Variants in EGFR observed in about 807,000 individuals in gnomAD.
EGFR encodes the protein avian erythroblastic leukemia viral (v-erb-b) oncogene homolog.
A neutral mutation model predicts 143.0 loss-of-function variants in EGFR; 58 were observed. The observed-to-expected ratio is 0.41, with a 90% CI of 0.33 to 0.50. The LOEUF (loss-of-function observed/expected upper bound fraction) is 0.50. Ranked by LOEUF, EGFR falls within the 20% of genes least tolerant of loss-of-function variation. The pLI is 0.39. For missense variants in EGFR, 1,307 were observed against 1,579.0 expected (o/e 0.83, Z 2.92); for synonymous variants, 613 against 594.4 (o/e 1.03, Z -0.45).
Position 55,174,085 on chromosome 7 carries a change from C to G in EGFR, c.2184+42C>G, listed in dbSNP as rs1241707769. On this transcript the variant is annotated intron_variant, in intron 18 of 27. Transcript: ENST00000275493. ...AGGCCTCTGGGCTGGGCCGCAGGGC[C>G]TCTCATGGTCTGGTGGGGAGCCCAG... 72 of 1,613,416 alleles carry G rather than the reference C, an allele frequency of 4.5e-5. No individual in the cohort carries two copies. The Admixed American group carries it at 7.2e-4, about 16-fold the overall frequency.
At chr7:55,200,290 ACT>A in intron 23 of EGFR, 24 bp from the exon 24 acceptor site, 1 of 1,601,558 alleles carries the variant, frequency 6.2e-7, no homozygotes, top group Non-Finnish European at 8.6e-7. Flanking sequence ...TTCTAATTGC[ACT>A]GTTTTTTCTC....
chr7:55,081,000 A>T (rs1354145355), intron 1 of EGFR, among the ~76,000 whole-genome samples: 1 of 152,142 alleles, frequency 6.6e-6, no homozygotes, highest in Non-Finnish European at 1.5e-5. Context: ...CCACTATACT[A>T]CTTAGAAATG....
At chr7:55,038,711 G>C (rs1320662856) in intron 1 of EGFR, among the ~76,000 whole-genome samples, 1 of 151,946 alleles carries the variant, frequency 6.6e-6, no homozygotes, top group Non-Finnish European at 1.5e-5. Context: ...CCATTTTATA[G>C]TAATAAATCA....
At chr7:55,194,320 G>A (rs1435267532) in intron 22 of EGFR, among the ~76,000 whole-genome samples, 8 of 150,366 alleles carry the variant, frequency 5.3e-5, no homozygotes, top group Non-Finnish European at 4.4e-5. Flanking sequence ...TCCACCTCCC[G>A]GGTTCAAGTG....
At chr7:55,096,845 C>T (rs1791502229) in intron 1 of EGFR, among the ~76,000 whole-genome samples, 2 of 152,266 alleles carry the variant, frequency 1.3e-5, no homozygotes, top group South Asian at 2.1e-4. Flanking sequence ...CACAGGGTCC[C>T]TCCTGGAGTC....
intron 1 of EGFR, chr7:55,110,006 C>G: frequency 3.2e-6 from 3 of 936,160 alleles, no homozygotes; most frequent in Non-Finnish European, 3.8e-6. Flanking sequence ...TGAGAGATAA[C>G]AGCATAAACA....
In EGFR at chr7:55,045,908, A is replaced by G. The variant is rs558403258; in HGVS notation, c.88+26543A>G. ...GTTGTGAGTCTCAAATACACACTGG[A>G]TTGTGAAGACTTAGGACAAGGAAAA... On this transcript the variant is annotated intron_variant, in intron 1 of 27. Coordinates refer to ENST00000275493, the MANE Select transcript of EGFR (RefSeq NM_005228.5). Among the ~76,000 whole-genome samples, 27 of 152,324 alleles carry G rather than the reference A, an allele frequency of 1.8e-4. 1 individual carries two copies. In the South Asian group the frequency reaches 5.0e-3, roughly 28 times the overall value.
intron 1 of EGFR, among the ~76,000 whole-genome samples, chr7:55,052,201 TTCTGGGAGAC>T (rs1788530821): frequency 6.6e-6 from 1 of 152,354 alleles, no homozygotes; most frequent in South Asian, 2.1e-4. Flanking sequence ...CTCCTGGGTA[TTCTGGGAGAC>T]TCATGTAAAA....
chr7:55,197,245 C>T (rs1407388846), intron 22 of EGFR, among the ~76,000 whole-genome samples: 7 of 152,046 alleles, frequency 4.6e-5, no homozygotes, highest in African/African-American at 1.4e-4. Context: ...TACTGTATTT[C>T]TAGGTATTTT....
rs186093310 is a variant in EGFR, at chr7:55,185,804, A to C, written c.2469+4326A>C. 2.0e-5 allele frequency among the ~76,000 whole-genome samples: 3 copies of C among 152,372 alleles called. No individual in the cohort carries two copies. In the East Asian group the frequency reaches 5.8e-4, roughly 29 times the overall value. ...CATGGCACTCTCTGACCACAACTGT[A>C]TAAGCACCAAACTACACTTAGTTCC... On this transcript the variant is annotated intron_variant, in intron 20 of 27. Transcript: ENST00000275493.
At chr7:55,191,677 C>G (rs2128964251) in intron 20 of EGFR, 42 bp from the exon 21 acceptor site, 1 of 1,612,136 alleles carries the variant, frequency 6.2e-7, no homozygotes. Context: ...AGCTTCTTCC[C>G]ATGATGATCT....
intron 1 of EGFR, among the ~76,000 whole-genome samples, chr7:55,071,547 G>A (rs1159427125): frequency 6.6e-6 from 1 of 152,216 alleles, no homozygotes; most frequent in Non-Finnish European, 1.5e-5. Flanking sequence ...GCCTTCACTG[G>A]CAGAATTGTG....
At position 55,061,649 on chromosome 7, in the gene EGFR, TGAGA is replaced by T. The variant is rs1174312198; in HGVS notation, c.88+42305_88+42308del. Among the ~76,000 whole-genome samples the T allele has an allele frequency of 4.4e-3, 583 of 132,776 alleles. 4 individuals are homozygous for T. Among genetic ancestry groups the T allele is most frequent in the African/African-American group, 0.015 (513 of 33,442 alleles). The allele number at this position is 132,776 out of a possible 152,430, so 87.1% of individuals were successfully genotyped here. ...GTGTGTGTGTGTGTGTGTGTGTGTGTGAGAGAGAGAGAGAGAGAGAGAGACTGTA... is the reference window on the plus strand; with the variant it reads ...GTGTGTGTGTGTGTGTGTGTGTGTGTGAGAGAGAGAGAGAGAGAGACTGTA... On this transcript the variant is annotated intron_variant, in intron 1 of 27. Coordinates refer to ENST00000275493, the MANE Select transcript of EGFR (RefSeq NM_005228.5).
Position 55,202,581 on chromosome 7 carries a change from C to A in EGFR, c.3227C>A (p.Ala1076Asp), listed in dbSNP as rs755868272. The stretch of plus-strand genomic sequence containing the variant: ...CGATACAGCTCAGACCCCACAGGCG[C>A]CTTGACTGAGGACAGCATAGACGAC... Reference protein sequence around the residue: ...LQRYSSDPTGALTEDSIDDTF... With the variant: ...LQRYSSDPTGDLTEDSIDDTF... The change falls in exon 27 of 28, where the codon GCC becomes GAC. Residue 1076 changes from alanine (A) to aspartate (D), a missense_variant. Around this residue, in one of 7 missense-constraint regions of EGFR, gnomAD observed 313 missense variants for 312.3 expected, o/e 1.00. Transcript: ENST00000275493. The A allele has an allele frequency of 6.2e-7, 1 of 1,613,574 alleles. No homozygotes were observed. Among genetic ancestry groups the A allele is most frequent in the Non-Finnish European group, 8.5e-7 (1 of 1,179,732 alleles).
chr7:55,198,022 T>C (rs1258021996), intron 22 of EGFR, among the ~76,000 whole-genome samples: 1 of 152,154 alleles, frequency 6.6e-6, no homozygotes, highest in African/African-American at 2.4e-5. Flanking sequence ...ATAGAATGAG[T>C]TAAGGAAGAG....
At chr7:55,058,113 T>C (rs1020880831) in intron 1 of EGFR, among the ~76,000 whole-genome samples, 6 of 152,232 alleles carry the variant, frequency 3.9e-5, no homozygotes. Flanking sequence ...TAAAAACACA[T>C]GGCTGGGCAC....
At chr7:55,021,950 G>A (rs1250130044) in intron 1 of EGFR, among the ~76,000 whole-genome samples, 1 of 152,190 alleles carries the variant, frequency 6.6e-6, no homozygotes, top group Admixed American at 6.5e-5. Context: ...AAACTCCACT[G>A]CCTTGTCCGA....
At chr7:55,139,782 C>T (rs1018448209) in intron 1 of EGFR, among the ~76,000 whole-genome samples, 4 of 152,172 alleles carry the variant, frequency 2.6e-5, no homozygotes, top group Admixed American at 2.0e-4. Context: ...AAAGTGGAAT[C>T]ATCATGACGT....
At chr7:55,096,357 G>A (rs189922980) in intron 1 of EGFR, among the ~76,000 whole-genome samples, 23 of 152,348 alleles carry the variant, frequency 1.5e-4, no homozygotes, top group African/African-American at 5.5e-4. Context: ...TACCCCATGT[G>A]TTTAAATTTG....
Sources: allele counts gnomAD v4.1 joint callset (sites outside exome capture counted in the v4.1 genomes callset), GRCh38; gene constraint gnomAD v4.1.1; regional missense constraint gnomAD v4.1.1; transcripts MANE v1.5; gene names NCBI Gene and HGNC (gene_info 2026-07-23, HGNC 2026-07-21).